PAFAH1B2: variants seen among roughly 807,000 people sequenced by gnomAD.
PAFAH1B2 encodes the protein platelet-activating factor acetylhydrolase IB subunit alpha2.
In PAFAH1B2, 8 loss-of-function variants were observed where a neutral mutation model predicts 28.0. The ratio of observed to expected loss-of-function variants is 0.29; its 90% CI spans 0.17 to 0.52. The LOEUF (loss-of-function observed/expected upper bound fraction) is 0.52. Ranked by LOEUF, PAFAH1B2 falls within the 20% of genes least tolerant of loss-of-function variation. The pLI is 0.97. For missense variants in PAFAH1B2, 190 were observed against 282.6 expected (o/e 0.67, Z 2.35); for synonymous variants, 104 against 103.2 (o/e 1.01, Z -0.05).
intron 1 of PAFAH1B2, among the ~76,000 whole-genome samples, chr11:117,148,489 G>C (rs142335446): frequency 6.6e-6 from 1 of 152,276 alleles, no homozygotes; most frequent in East Asian, 1.9e-4. Context: ...GTTTCCTTAG[G>C]TCTCTTTGAG....
At chr11:117,177,716 A>C (rs1326999086), downstream of PAFAH1B2, among the ~76,000 whole-genome samples, 1 of 152,186 alleles carries the variant, frequency 6.6e-6, no homozygotes, top group Non-Finnish European at 1.5e-5. Context: ...GTATTTTTAT[A>C]GTAGAGATGG....
At position 117,171,043 on chromosome 11, in the gene PAFAH1B2, C is replaced by T. The variant is rs999186862; in HGVS notation, c.*3344C>T. The T allele has an allele frequency of 2.2e-5, 23 of 1,029,478 alleles. No homozygotes were observed. Among genetic ancestry groups the T allele is most frequent in the Non-Finnish European group, 2.7e-5 (23 of 856,516 alleles). 63.8% of individuals were successfully genotyped at this position (1,029,478 alleles called of 1,614,324 possible). A position where few individuals can be genotyped will look rare whatever the true frequency, so the allele number is the denominator to read the frequency against. On this transcript the variant is annotated 3_prime_UTR_variant, in exon 6 of 6. Transcript: ENST00000527958. The stretch of plus-strand genomic sequence containing the variant: ...TCAATATAAATGTAAACATTTTGCT[C>T]AATTTGCTGGTGTCTTTCTGTCTCC...
At chr11:117,161,333 T>TAA in intron 4 of PAFAH1B2, 72 bp downstream of exon 4, 1 of 961,350 alleles carries the variant, frequency 1.0e-6, no homozygotes, top group Non-Finnish European at 1.5e-6. Context: ...TCTGAAACTG[T>TAA]AAAAAAAAAT....
chr11:117,154,299 G>GGAAAA (rs764258325), intron 2 of PAFAH1B2, among the ~76,000 whole-genome samples: 3 of 151,960 alleles, frequency 2.0e-5, no homozygotes, highest in East Asian at 1.9e-4. Context: ...ACGAAGGAAA[G>GGAAAA]GAAAAGAAAA....
At chr11:117,145,149 T>G (rs1020333334) in intron 1 of PAFAH1B2, among the ~76,000 whole-genome samples, 1 of 152,176 alleles carries the variant, frequency 6.6e-6, no homozygotes, top group South Asian at 2.1e-4. Flanking sequence ...GTCAGCCAGC[T>G]AGATAAACCT....
downstream of PAFAH1B2, among the ~76,000 whole-genome samples, chr11:117,174,308 C>A (rs571471177): frequency 2.0e-5 from 3 of 149,734 alleles, no homozygotes; most frequent in African/African-American, 7.4e-5. Context: ...CTCAGCCTCC[C>A]GAGTAGCTGG....
At chr11:117,149,429 C>CGTTTTTTTTTT (rs1956092178) in intron 1 of PAFAH1B2, among the ~76,000 whole-genome samples, 2 of 33,518 alleles carry the variant, frequency 6.0e-5, no homozygotes, top group Non-Finnish European at 1.5e-4. Context: ...GTTTTCTAAT[C>CGTTTTTTTTTT]GTTTTTTTTT....
rs1178319291 is a variant in PAFAH1B2 at position 117,169,726 on chromosome 11, GT to G, written c.*2032del. On this transcript the variant is annotated 3_prime_UTR_variant, in exon 6 of 6. Transcript: ENST00000527958. ...TTTTATTTTTAGTAGCCCAGGTTGA[GT>G]TTTTCACAAGAGATTTTTTTCTTAG... The G allele has an allele frequency of 9.5e-7, 1 of 1,057,898 alleles. No homozygotes were observed. The highest frequency in any genetic ancestry group is 5.3e-5 in the East Asian group (1 of 18,974). 65.5% of individuals were successfully genotyped at this position (1,057,898 alleles called of 1,614,324 possible). A position where few individuals can be genotyped will look rare whatever the true frequency, so the allele number is the denominator to read the frequency against.
Position 117,168,204 on chromosome 11 carries a change from G to A in PAFAH1B2, c.*505G>A. The A allele has an allele frequency of 9.5e-7, 1 of 1,051,292 alleles. No homozygotes were observed. Among genetic ancestry groups the A allele is most frequent in the Non-Finnish European group, 1.2e-6 (1 of 867,934 alleles). 65.1% of individuals were successfully genotyped at this position (1,051,292 alleles called of 1,614,324 possible). A position where few individuals can be genotyped will look rare whatever the true frequency, so the allele number is the denominator to read the frequency against. On this transcript the variant is annotated 3_prime_UTR_variant, in exon 6 of 6. Transcript: ENST00000527958. Reference sequence around the variant, plus strand: ...AATATTTTATTAACATGTAGCATCAGGTTGAACATGCTTGTCATTGATATA... The same window carrying A: ...AATATTTTATTAACATGTAGCATCAAGTTGAACATGCTTGTCATTGATATA...
At chr11:117,173,613 C>T (rs1042961956), downstream of PAFAH1B2, among the ~76,000 whole-genome samples, 1 of 152,198 alleles carries the variant, frequency 6.6e-6, no homozygotes, top group African/African-American at 2.4e-5. Flanking sequence ...CCTGAGCCAC[C>T]GCAGCTCCCA....
chr11:117,167,910 T>G lies in PAFAH1B2; in HGVS notation c.*211T>G, dbSNP rs1278512863. On this transcript the variant is annotated 3_prime_UTR_variant, in exon 6 of 6. Transcript: ENST00000527958. The stretch of plus-strand genomic sequence containing the variant: ...GAGAAAAATTAGCCAAGGAAGATTG[T>G]TGTTTAAATTCATTTGAAACCAGAA... The G allele has an allele frequency of 1.7e-6, 2 of 1,185,426 alleles. No homozygotes were observed. Among genetic ancestry groups the G allele is most frequent in the Non-Finnish European group, 2.1e-6 (2 of 957,508 alleles). The allele number at this position is 1,185,426 out of a possible 1,614,324, so 73.4% of individuals were successfully genotyped here. A position where few individuals can be genotyped will look rare whatever the true frequency, so the allele number is the denominator to read the frequency against.
At position 117,169,582 on chromosome 11, in the gene PAFAH1B2, A is replaced by AT; in HGVS notation, c.*1889dup. ...TTCTTGTGAAGTCTCTTTCTAGAAA[A>AT]TTTTTTGGTTTTGTTCTTTTTAAAA... is the stretch of plus-strand genomic sequence containing the variant. On this transcript the variant is annotated 3_prime_UTR_variant, in exon 6 of 6. Transcript: ENST00000527958. 1.9e-6 allele frequency: 2 copies of AT among 1,054,672 alleles called. No homozygotes were observed. The highest frequency in any genetic ancestry group is 2.3e-6 in the Non-Finnish European group (2 of 872,388). The allele number at this position is 1,054,672 out of a possible 1,614,324, so 65.3% of individuals were successfully genotyped here.
At position 117,167,410 on chromosome 11, in the gene PAFAH1B2, C is replaced by T. The variant is rs762614873; in HGVS notation, c.412-11C>T. On this transcript the variant is annotated splice_polypyrimidine_tract_variant and intron_variant, in intron 5 of 5. Coordinates refer to ENST00000527958, the MANE Select transcript of PAFAH1B2 (RefSeq NM_002572.4). ...GAATCTTCTAATTTAATGTTTTCCA[C>T]TGTGCCCCAGGGTTTGTTACCTCGA... 6.4e-7 allele frequency: 1 copy of T among 1,550,688 alleles called. No homozygotes were observed. The highest frequency in any genetic ancestry group is 1.2e-5 in the South Asian group (1 of 81,616).
chr11:117,154,881 T>C (rs1956226866), intron 2 of PAFAH1B2, among the ~76,000 whole-genome samples: 1 of 152,220 alleles, frequency 6.6e-6, no homozygotes, highest in Non-Finnish European at 1.5e-5. Flanking sequence ...CATAAATGAT[T>C]GCTGTAGCTG....
chr11:117,156,853 A>G (rs533989834), intron 2 of PAFAH1B2, among the ~76,000 whole-genome samples: 1 of 152,106 alleles, frequency 6.6e-6, no homozygotes, highest in South Asian at 2.1e-4. Context: ...CATCTTTACA[A>G]AAAATGCCAA....
chr11:117,151,827 C>T (rs1956158658), intron 1 of PAFAH1B2, among the ~76,000 whole-genome samples: 1 of 152,148 alleles, frequency 6.6e-6, no homozygotes, highest in Non-Finnish European at 1.5e-5. Flanking sequence ...CTGCCTCAGC[C>T]TCCCAAGTAG....
chr11:117,171,523 G>A (rs552762296), downstream of PAFAH1B2: 42 of 570,096 alleles, frequency 7.4e-5, no homozygotes, highest in Middle Eastern at 9.2e-4. Context: ...GCAACAGAGC[G>A]AGACTCTTGT....
Position 117,169,924 on chromosome 11 carries a change from A to G in PAFAH1B2, c.*2225A>G, listed in dbSNP as rs1383712726. 2.4e-5 allele frequency: 25 copies of G among 1,053,596 alleles called. No individual in the cohort carries two copies. In the East Asian group the frequency reaches 4.8e-4, roughly 20 times the overall value. 65.3% of individuals were successfully genotyped at this position (1,053,596 alleles called of 1,614,324 possible). A position where few individuals can be genotyped will look rare whatever the true frequency, so the allele number is the denominator to read the frequency against. ...TAGCTTCTCTCTTGACTGAGGATCA[A>G]ATATCCCTTTGTGAGCTGGCCCTCA... On this transcript the variant is annotated 3_prime_UTR_variant, in exon 6 of 6. Transcript: ENST00000527958.
intron 2 of PAFAH1B2, among the ~76,000 whole-genome samples, chr11:117,153,116 G>A (rs1956188829): frequency 1.3e-5 from 2 of 152,186 alleles, no homozygotes; most frequent in African/African-American, 4.8e-5. Context: ...CCCGTGACAG[G>A]TTGTACAAAG....
Sources: allele counts gnomAD v4.1 joint callset (sites outside exome capture counted in the v4.1 genomes callset), GRCh38; gene constraint gnomAD v4.1.1; transcripts MANE v1.5; gene names NCBI Gene and HGNC (gene_info 2026-07-23, HGNC 2026-07-21).